The following VPS16 variants were observed in gnomAD, a reference collection of about 807,000 sequenced individuals.
VPS16 encodes the protein VPS16 core subunit of CORVET and HOPS complexes, also known as vacuolar protein sorting-associated protein 16 homolog.
Under a neutral mutation model 116.0 loss-of-function variants are expected in VPS16, and 82 were observed. The ratio of observed to expected loss-of-function variants is 0.71; its 90% CI spans 0.59 to 0.85. VPS16 has a LOEUF of 0.85. VPS16 is among the 40% of genes least tolerant of loss of function. VPS16 has a pLI of 0.00. For synonymous variants in VPS16, 406 were observed against 420.7 expected (o/e 0.96, Z 0.43); for missense variants, 928 against 1,090.6 (o/e 0.85, Z 2.10).
chr20:2,856,941 CT>C (rs529438339), intron 1 of VPS16, among the ~76,000 whole-genome samples: 2 of 150,250 alleles, frequency 1.3e-5, no homozygotes, highest in Non-Finnish European at 3.0e-5. Flanking sequence ...TTCAGATGAT[CT>C]TTTTCCCCTA....
In VPS16 at chr20:2,856,618, AG is replaced by A. The variant is rs1398368484; in HGVS notation, c.54-3100del. ...CAAAGGTAATCACTGTGTCTGGTTTAGTATGGAAGTCTCTTGAGCATTTTTC... is the reference window on the plus strand; with the variant it reads ...CAAAGGTAATCACTGTGTCTGGTTTATATGGAAGTCTCTTGAGCATTTTTC... On this transcript the variant is annotated intron_variant, in intron 1 of 23. Coordinates refer to ENST00000380445, the MANE Select transcript of VPS16 (RefSeq NM_022575.4). Among the ~76,000 whole-genome samples, 9 of 152,356 alleles carry A rather than the reference AG, an allele frequency of 5.9e-5. 1 individual carries two copies. The highest frequency in any genetic ancestry group is 2.2e-4 in the African/African-American group (9 of 41,596).
chr20:2,865,066 C>T lies in VPS16; in HGVS notation c.2004+11C>T. On this transcript the variant is annotated intron_variant, in intron 20 of 23. Coordinates refer to ENST00000380445, the MANE Select transcript of VPS16 (RefSeq NM_022575.4). The surrounding 1 kb of genome is among the most constrained non-coding windows in gnomAD (Gnocchi z 5.2). ...GAGTTTGCAGCCAAGGTTTGGCCCA[C>T]CTTTTTCCAAGAGCCTCCTCGTCTC... is the stretch of plus-strand genomic sequence containing the variant. 6 of 1,614,182 alleles carry T rather than the reference C, an allele frequency of 3.7e-6. No individual in the cohort carries two copies. The highest frequency in any genetic ancestry group is 5.1e-6 in the Non-Finnish European group (6 of 1,180,020).
intron 1 of VPS16, among the ~76,000 whole-genome samples, chr20:2,843,388 C>T (rs1225479061): frequency 1.3e-5 from 2 of 151,058 alleles, no homozygotes; most frequent in African/African-American, 2.4e-5. Context: ...GCCAAGATCG[C>T]ACCACTGTAC....
intron 9 of VPS16, 34 bp downstream of exon 9, chr20:2,861,738 G>T (rs367669639): frequency 2.7e-4 from 442 of 1,610,968 alleles, no homozygotes; most frequent in Non-Finnish European, 3.4e-4. Context: ...TGTGGAGAGA[G>T]GGGAGGGGAG....
chr20:2,859,886 C>T (rs1014596769), intron 2 of VPS16, 79 bp downstream of exon 2: 2 of 1,525,860 alleles, frequency 1.3e-6, no homozygotes, highest in Non-Finnish European at 1.8e-6. Flanking sequence ...GCCCTGCTGT[C>T]AGGTTGTTCT....
At position 2,865,590 on chromosome 20, in the gene VPS16, C is replaced by G. The variant is rs996283653; in HGVS notation, c.2271+95C>G. The G allele has an allele frequency of 1.3e-5, 15 of 1,160,846 alleles. No homozygotes were observed. The highest frequency in any genetic ancestry group is 1.8e-5 in the Non-Finnish European group (15 of 819,510). 71.9% of individuals were successfully genotyped at this position (1,160,846 alleles called of 1,614,324 possible). Reference sequence around the variant, plus strand: ...AGACAGATAGGATGGCCCGTTCATGCTCCTGTTCAGCTGCCCGCATAGTTA... The same window carrying G: ...AGACAGATAGGATGGCCCGTTCATGGTCCTGTTCAGCTGCCCGCATAGTTA... On this transcript the variant is annotated intron_variant, in intron 22 of 23. Coordinates refer to ENST00000380445, the MANE Select transcript of VPS16 (RefSeq NM_022575.4). This position sits in a 1 kb window ranked among gnomAD's most constrained non-coding sequence, Gnocchi z 5.2.
intron 1 of VPS16, among the ~76,000 whole-genome samples, chr20:2,849,078 G>A (rs573565425): frequency 6.6e-6 from 1 of 152,260 alleles, no homozygotes; most frequent in South Asian, 2.1e-4. Context: ...TCTGGTAAGG[G>A]AAGCTCAGAA....
rs371350579 is a variant in VPS16, at chr20:2,864,878, C to T, written c.1927-100C>T. ...ACCTAGCAGGCAAGGCTGACCCTGG[C>T]GACCCTGGGCACAGGGATGGGGGAG... On this transcript the variant is annotated intron_variant, in intron 19 of 23. Transcript: ENST00000380445. The surrounding 1 kb of genome is among the most constrained non-coding windows in gnomAD (Gnocchi z 5.2). 3.1e-5 allele frequency: 48 copies of T among 1,524,916 alleles called. No homozygotes were observed. Among genetic ancestry groups the T allele is most frequent in the South Asian group, 1.7e-4 (15 of 88,092 alleles). The allele number at this position is 1,524,916 out of a possible 1,614,324, so 94.5% of individuals were successfully genotyped here. A position where few individuals can be genotyped will look rare whatever the true frequency, so the allele number is the denominator to read the frequency against.
Position 2,860,384 on chromosome 20 carries a change from G to T in VPS16, c.369+17G>T. 6.2e-7 allele frequency: 1 copy of T among 1,614,112 alleles called. No homozygotes were observed. Among genetic ancestry groups the T allele is most frequent in the Non-Finnish European group, 8.5e-7 (1 of 1,180,016 alleles). On this transcript the variant is annotated intron_variant, in intron 4 of 23. Coordinates refer to ENST00000380445, the MANE Select transcript of VPS16 (RefSeq NM_022575.4). The surrounding 1 kb of genome is among the most constrained non-coding windows in gnomAD (Gnocchi z 6.1). The stretch of plus-strand genomic sequence containing the variant: ...ATGGGCAATGTAGGGGTCACAGAGG[G>T]CTGGGGACGCGGGGTAGAGTTTATG...
At position 2,862,715 on chromosome 20, in the gene VPS16, G is replaced by C. The variant is rs1446684974; in HGVS notation, c.1203+5G>C. 6.2e-7 allele frequency: 1 copy of C among 1,604,160 alleles called. No individual in the cohort carries two copies. Among genetic ancestry groups the C allele is most frequent in the East Asian group, 2.2e-5 (1 of 44,512 alleles). ...ATGCAGAAGAGTCTGCTCAGGGTTG[G>C]CCTGGATGGCCGGGCCGGGGAGGGT... On this transcript the variant is annotated splice_donor_5th_base_variant and intron_variant, in intron 12 of 23. Transcript: ENST00000380445.
Position 2,864,155 on chromosome 20 carries a change from T to C in VPS16, c.1612-24T>C, listed in dbSNP as rs771341308. 1 of 1,614,148 alleles carries C rather than the reference T, an allele frequency of 6.2e-7. No individual in the cohort carries two copies. The highest frequency in any genetic ancestry group is 8.5e-7 in the Non-Finnish European group (1 of 1,179,960). On this transcript the variant is annotated intron_variant, in intron 16 of 23. Transcript: ENST00000380445. The surrounding 1 kb of genome is among the most constrained non-coding windows in gnomAD (Gnocchi z 5.2). ...GGCCCCCATGCCAGCTCCTTCTCTC[T>C]GTGCCTTCCTTCTCACCTCACAGCT... is the stretch of plus-strand genomic sequence containing the variant.
chr20:2,866,693 A>C lies in VPS16; in HGVS notation c.*119A>C. On this transcript the variant is annotated 3_prime_UTR_variant, in exon 24 of 24. Transcript: ENST00000380445. ...CAATGCTGAGGAGCGGGGGCATGGT[A>C]GCAGGGCTGTCTGGTTTTAAATAAA... is the stretch of plus-strand genomic sequence containing the variant. 1.4e-6 allele frequency: 2 copies of C among 1,440,130 alleles called. No homozygotes were observed. Among genetic ancestry groups the C allele is most frequent in the East Asian group, 4.6e-5 (2 of 43,488 alleles). The allele number at this position is 1,440,130 out of a possible 1,614,324, so 89.2% of individuals were successfully genotyped here.
Position 2,865,210 on chromosome 20 carries a change from C to T in VPS16, c.2067C>T (p.Gly689=). ...LQRRLEDELG[G]QFLDLSLHDT... ...GGCGCCTAGAAGACGAGCTGGGGGG[C>T]CAGTTCCTAGACCTGTCTCTACATG... Residue 689 remains glycine (G), a synonymous_variant, in exon 21 of 24, where the codon GGC becomes GGT. Coordinates refer to ENST00000380445, the MANE Select transcript of VPS16 (RefSeq NM_022575.4). This position sits in a 1 kb window ranked among gnomAD's most constrained non-coding sequence, Gnocchi z 5.2. The T allele has an allele frequency of 6.2e-7, 1 of 1,614,178 alleles. No homozygotes were observed. The highest frequency in any genetic ancestry group is 8.5e-7 in the Non-Finnish European group (1 of 1,180,028).
chr20:2,865,349 C>T lies in VPS16; in HGVS notation c.2174+32C>T, dbSNP rs1292933016. 1.9e-6 allele frequency: 3 copies of T among 1,614,014 alleles called. No individual in the cohort carries two copies. The highest frequency in any genetic ancestry group is 1.7e-5 in the Admixed American group (1 of 60,016). Reference sequence around the variant, plus strand: ...GAGGGCCCAGGCTGCATGTGGGTCCCAGGACCACCTGCCTCTCCTGCAACA... The same window carrying T: ...GAGGGCCCAGGCTGCATGTGGGTCCTAGGACCACCTGCCTCTCCTGCAACA... On this transcript the variant is annotated intron_variant, in intron 21 of 23. Transcript: ENST00000380445. This position sits in a 1 kb window ranked among gnomAD's most constrained non-coding sequence, Gnocchi z 5.2.
rs1568628789 is a variant in VPS16 at position 2,863,136 on chromosome 20, CAGG to C, written c.1367+37_1367+39del. On this transcript the variant is annotated intron_variant, in intron 14 of 23. Coordinates refer to ENST00000380445, the MANE Select transcript of VPS16 (RefSeq NM_022575.4). The surrounding 1 kb of genome is among the most constrained non-coding windows in gnomAD (Gnocchi z 4.4). ...CCCAAGGGTGCAGTGAGCGGGCTGTCAGGGGGGTGGGCATTACAGCCTTGGGTG... is the reference window on the plus strand; with the variant it reads ...CCCAAGGGTGCAGTGAGCGGGCTGTCGGGGTGGGCATTACAGCCTTGGGTG... The C allele has an allele frequency of 1.2e-5, 19 of 1,613,156 alleles. No homozygotes were observed. Among genetic ancestry groups the C allele is most frequent in the Admixed American group, 1.7e-5 (1 of 59,854 alleles).
intron 1 of VPS16, among the ~76,000 whole-genome samples, chr20:2,856,546 TA>T (rs1410521032): frequency 6.6e-6 from 1 of 152,234 alleles, no homozygotes; most frequent in African/African-American, 2.4e-5. Context: ...GCTTGTAGTA[TA>T]AAAGTGGACA....
chr20:2,846,897 G>A (rs564153157), intron 1 of VPS16, among the ~76,000 whole-genome samples: 7 of 152,272 alleles, frequency 4.6e-5, no homozygotes, highest in Non-Finnish European at 7.3e-5. Flanking sequence ...CCTGGTATTC[G>A]ATTCGATTCC....
Position 2,862,823 on chromosome 20 carries a change from AG to A in VPS16, c.1221del (p.Lys407AsnfsTer147). ...KSLLRAASFG[K>X]CFLDRFPPDS... is the part of the protein sequence containing the mutation. ...TCTTCTCAGGCCGCCTCCTTCGGAA[AG>A]TGTTTCCTGGACAGATTTCCACCCG... On this transcript the variant is annotated frameshift_variant, in exon 13 of 24. Transcript: ENST00000380445. LOFTEE classifies it high-confidence loss of function. 1 of 1,614,032 alleles carries A rather than the reference AG, an allele frequency of 6.2e-7. No individual in the cohort carries two copies. Among genetic ancestry groups the A allele is most frequent in the Middle Eastern group, 1.6e-4 (1 of 6,062 alleles).
At chr20:2,861,343 C>T in intron 8 of VPS16, 63 bp downstream of exon 8, 1 of 1,608,412 alleles carries the variant, frequency 6.2e-7, no homozygotes, top group Admixed American at 1.7e-5. Flanking sequence ...CTGGGACAAT[C>T]AGTTCCTTGA....
Sources: gnomAD v4.1 joint callset for allele counts (sites outside exome capture counted in the v4.1 genomes callset) on GRCh38, gnomAD v4.1.1 for gene constraint, Gnocchi (gnomAD v3.1) non-coding constraint, MANE v1.5 for transcripts, NCBI Gene and HGNC (gene_info 2026-07-23, HGNC 2026-07-21) for gene names.